SLC9B1: variants seen among roughly 807,000 people sequenced by gnomAD.
SLC9B1 encodes the protein sodium/hydrogen exchanger 9B1.
SLC9B1 carries 32 observed loss-of-function variants against 51.7 expected under a neutral mutation model. That is an observed-to-expected ratio of 0.62 (90% CI 0.47 to 0.83). SLC9B1 has a LOEUF of 0.83. Ranked by LOEUF, SLC9B1 falls within the 40% of genes least tolerant of loss-of-function variation. SLC9B1 has a pLI of 0.00. For synonymous variants in SLC9B1, 145 were observed against 212.7 expected (o/e 0.68, Z 2.77); for missense variants, 406 against 613.2 (o/e 0.66, Z 3.57).
intron 6 of SLC9B1, among the ~76,000 whole-genome samples, chr4:102,937,261 C>G (rs1736765825): frequency 6.7e-6 from 1 of 150,362 alleles, no homozygotes; most frequent in Admixed American, 6.6e-5. Context: ...CACCACAACA[C>G]CTGGCAATTT....
intron 3 of SLC9B1, among the ~76,000 whole-genome samples, chr4:102,986,439 G>C (rs6852141): frequency 0.58 from 88,031 of 151,876 alleles, 26,877 homozygotes; most frequent in African/African-American, 0.79. Context: ...ATATGATATG[G>C]CTAGGTGTAG....
chr4:102,965,580 T>C (rs1463860545), intron 3 of SLC9B1, among the ~76,000 whole-genome samples: 3 of 152,124 alleles, frequency 2.0e-5, no homozygotes, highest in Non-Finnish European at 2.9e-5. Flanking sequence ...GGTTCCAACA[T>C]GATTTTTGGC....
chr4:102,995,503 G>A (rs1740168493), intron 1 of SLC9B1, among the ~76,000 whole-genome samples: 1 of 152,122 alleles, frequency 6.6e-6, no homozygotes, highest in South Asian at 2.1e-4. Flanking sequence ...AGCAGGGCTT[G>A]GAACCCAGGC....
intron 3 of SLC9B1, among the ~76,000 whole-genome samples, chr4:102,972,354 G>A (rs774817016): frequency 1.1e-4 from 17 of 152,228 alleles, no homozygotes; most frequent in African/African-American, 2.6e-4. Context: ...ATCAATAAAC[G>A]TAATCCATCA....
chr4:102,986,532 T>G (rs532283160), intron 3 of SLC9B1, among the ~76,000 whole-genome samples: 1 of 152,308 alleles, frequency 6.6e-6, no homozygotes, highest in South Asian at 2.1e-4. Context: ...TTGTGGAAAT[T>G]CCTAGTCATT....
intron 3 of SLC9B1, among the ~76,000 whole-genome samples, chr4:102,970,519 A>G (rs1738701392): frequency 6.6e-6 from 1 of 152,252 alleles, no homozygotes; most frequent in African/African-American, 2.4e-5. Flanking sequence ...AACCAGTACC[A>G]GCCACACAAA....
At chr4:103,008,164 C>A (rs1740888882) in intron 1 of SLC9B1, among the ~76,000 whole-genome samples, 1 of 152,152 alleles carries the variant, frequency 6.6e-6, no homozygotes, top group Admixed American at 6.5e-5. Context: ...ATATACATAT[C>A]TTGCTATTAT....
intron 1 of SLC9B1, among the ~76,000 whole-genome samples, chr4:103,009,648 A>G (rs1740988999): frequency 6.6e-6 from 1 of 152,218 alleles, no homozygotes; most frequent in South Asian, 2.1e-4. Flanking sequence ...CTTATCTACT[A>G]TGCATTGCTG....
chr4:102,988,112 A>T (rs940225126), intron 3 of SLC9B1, among the ~76,000 whole-genome samples: 1 of 152,198 alleles, frequency 6.6e-6, no homozygotes, highest in Non-Finnish European at 1.5e-5. Flanking sequence ...AAGATTACTT[A>T]AAAATCATAG....
At chr4:102,969,319 G>C (rs1412259617) in intron 3 of SLC9B1, among the ~76,000 whole-genome samples, 1 of 152,156 alleles carries the variant, frequency 6.6e-6, no homozygotes, top group African/African-American at 2.4e-5. Context: ...TTGCTGTTCT[G>C]CAGCCTCCAA....
At chr4:102,937,542 C>T (rs1252390787) in intron 6 of SLC9B1, among the ~76,000 whole-genome samples, 7 of 148,990 alleles carry the variant, frequency 4.7e-5, no homozygotes, top group Non-Finnish European at 7.4e-5. Context: ...CTGGCCAACA[C>T]GGTGAAACCC....
chr4:102,920,129 C>T (rs569572204), intron 7 of SLC9B1, among the ~76,000 whole-genome samples: 29 of 152,352 alleles, frequency 1.9e-4, no homozygotes, highest in Non-Finnish European at 2.1e-4. Context: ...TGTAGCCTAA[C>T]TGGGACACAC....
intron 7 of SLC9B1, among the ~76,000 whole-genome samples, chr4:102,917,503 T>A (rs75821123): frequency 9.0e-3 from 663 of 73,932 alleles, no homozygotes; most frequent in Non-Finnish European, 0.01. Context: ...CTCCTATTGG[T>A]TCTGACCCTC....
intron 1 of SLC9B1, among the ~76,000 whole-genome samples, chr4:103,008,903 G>C (rs1452693649): frequency 2.0e-5 from 3 of 149,554 alleles, no homozygotes; most frequent in African/African-American, 7.4e-5. Context: ...GGGTTCAAGC[G>C]ATTCTCCTGC....
intron 3 of SLC9B1, among the ~76,000 whole-genome samples, chr4:102,986,610 T>C (rs552090499): frequency 9.5e-4 from 145 of 152,350 alleles, no homozygotes; most frequent in Non-Finnish European, 1.2e-3. Context: ...ATTTCATGTA[T>C]GTTACACCTT....
chr4:103,009,476 A>G (rs947259759), intron 1 of SLC9B1, among the ~76,000 whole-genome samples: 4 of 152,250 alleles, frequency 2.6e-5, no homozygotes, highest in Non-Finnish European at 5.9e-5. Flanking sequence ...TGACAACAGC[A>G]TTAATAATTG....
At chr4:102,900,729 C>A (rs1202772368), downstream of SLC9B1, among the ~76,000 whole-genome samples, 3 of 152,130 alleles carry the variant, frequency 2.0e-5, no homozygotes. Flanking sequence ...GGGAGTTCTA[C>A]TCCTTCTATT....
chr4:102,972,461 G>T (rs1738816085), intron 3 of SLC9B1, among the ~76,000 whole-genome samples: 1 of 152,168 alleles, frequency 6.6e-6, no homozygotes, highest in African/African-American at 2.4e-5. Flanking sequence ...GCCTAGGTTA[G>T]TCTTGAACTC....
At chr4:102,987,249 C>A (rs1042081532) in intron 3 of SLC9B1, among the ~76,000 whole-genome samples, 1 of 151,956 alleles carries the variant, frequency 6.6e-6, no homozygotes, top group African/African-American at 2.4e-5. Flanking sequence ...TTAGAGGAGG[C>A]CAGAGTTGGA....
Sources: gnomAD v4.1 joint callset for allele counts (sites outside exome capture counted in the v4.1 genomes callset) on GRCh38, gnomAD v4.1.1 for gene constraint, MANE v1.5 for transcripts, NCBI Gene and HGNC (gene_info 2026-07-23, HGNC 2026-07-21) for gene names.